ZC3H18: variants seen among roughly 807,000 people sequenced by gnomAD.
The protein encoded by ZC3H18 is zinc finger CCCH-type containing 18, also known as zinc finger CCCH domain-containing protein 18.
In ZC3H18, 8 loss-of-function variants were observed where a neutral mutation model predicts 106.1. The observed-to-expected ratio is 0.08, with a 90% CI of 0.04 to 0.14. The LOEUF is 0.14. Among genes scored for constraint, ZC3H18 ranks in the 10% least tolerant of loss-of-function variants. The pLI, the probability that ZC3H18 is intolerant of heterozygous loss-of-function variation, is 1.00. For synonymous variants in ZC3H18, 635 were observed against 522.1 expected, an observed-to-expected ratio of 1.22 and a Z score of -2.95; for missense variants, 1,318 against 1,278.4, an observed-to-expected ratio of 1.03 and a Z score of -0.47.
chr16:88,592,410 C>T (rs1915806532), intron 3 of ZC3H18, among the ~76,000 whole-genome samples: 1 of 152,116 alleles, frequency 6.6e-6, no homozygotes, highest in South Asian at 2.1e-4. Context: ...CCCTGGGAGT[C>T]CTTGAGACCC....
At chr16:88,599,122 C>G (rs959255358) in intron 5 of ZC3H18, among the ~76,000 whole-genome samples, 4 of 152,240 alleles carry the variant, frequency 2.6e-5, no homozygotes, top group Non-Finnish European at 5.9e-5. Context: ...TGGATCAGCA[C>G]TGGGCCACAC....
chr16:88,631,769 A>C lies in ZC3H18; in HGVS notation c.*470A>C. On this transcript the variant is annotated 3_prime_UTR_variant, in exon 18 of 18. Transcript: ENST00000301011. ...TCACCCGCCCCCGGATCAGAAATAT[A>C]TCTATATTCTCGACTAAAGTCTCAT... 5.8e-6 allele frequency: 2 copies of C among 347,078 alleles called. No individual in the cohort carries two copies. The highest frequency in any genetic ancestry group is 5.7e-6 in the Non-Finnish European group (1 of 176,326). The allele number at this position is 347,078 out of a possible 1,614,324, so 21.5% of individuals were successfully genotyped here. A position where few individuals can be genotyped will look rare whatever the true frequency, so the allele number is the denominator to read the frequency against.
intron 3 of ZC3H18, among the ~76,000 whole-genome samples, chr16:88,588,548 C>T (rs1460626984): frequency 7.5e-6 from 1 of 132,800 alleles, no homozygotes; most frequent in Non-Finnish European, 1.8e-5. Flanking sequence ...AGACAGGATC[C>T]TGTCTCCTTG....
intron 8 of ZC3H18, among the ~76,000 whole-genome samples, chr16:88,611,814 G>A (rs1432311914): frequency 4.6e-5 from 7 of 152,244 alleles, no homozygotes; most frequent in East Asian, 1.9e-4. Flanking sequence ...TACAGTCCAC[G>A]TGCAAACATC....
intron 9 of ZC3H18, chr16:88,622,942 C>A (rs1906057159): frequency 4.2e-6 from 2 of 475,944 alleles, no homozygotes; most frequent in Non-Finnish European, 7.6e-6. Flanking sequence ...TGGGTCTGCC[C>A]ACTCAGGCAG....
At chr16:88,583,961 T>C (rs148005369) in intron 2 of ZC3H18, among the ~76,000 whole-genome samples, 1 of 152,342 alleles carries the variant, frequency 6.6e-6, no homozygotes, top group Non-Finnish European at 1.5e-5. Flanking sequence ...AGACACTTAG[T>C]GTGACAATCT....
Position 88,616,007 on chromosome 16 carries a change from C to T in ZC3H18, c.1475+4471C>T, listed in dbSNP as rs983351262. ...GAGGGCAGATTCCCGACTGCTGTGC[C>T]CGTCTCCTGTGTGCTCAGCCTCCCC... On this transcript the variant is annotated intron_variant, in intron 8 of 17. Transcript: ENST00000301011. Among the ~76,000 whole-genome samples the T allele has an allele frequency of 3.9e-5, 6 of 152,342 alleles. No homozygotes were observed. In the East Asian group the frequency reaches 1.2e-3, roughly 29 times the overall value.
In ZC3H18 at chr16:88,598,605, C is replaced by G; in HGVS notation, c.838-15C>G. 1.2e-6 allele frequency: 2 copies of G among 1,601,444 alleles called. No homozygotes were observed. The highest frequency in any genetic ancestry group is 1.7e-6 in the Non-Finnish European group (2 of 1,172,664). On this transcript the variant is annotated splice_polypyrimidine_tract_variant and intron_variant, in intron 4 of 17. Coordinates refer to ENST00000301011, the MANE Select transcript of ZC3H18 (RefSeq NM_144604.4). ...GTTTTACTTTCTCACCTTCTCCCTT[C>G]TCGTTTTTCAATAGGGTGGGCCGGT...
chr16:88,593,628 G>A (rs1310998920), intron 3 of ZC3H18, among the ~76,000 whole-genome samples: 1 of 152,206 alleles, frequency 6.6e-6, no homozygotes, highest in Non-Finnish European at 1.5e-5. Context: ...GCCTCAAGGG[G>A]CAGCACGTGC....
In ZC3H18 at chr16:88,630,238, C is replaced by T. The variant is rs557993498; in HGVS notation, c.2567-247C>T. 56 of 489,892 alleles carry T rather than the reference C, an allele frequency of 1.1e-4. No homozygotes were observed. In the East Asian group the frequency reaches 1.8e-3, roughly 16 times the overall value. The allele number at this position is 489,892 out of a possible 1,614,324, so 30.3% of individuals were successfully genotyped here. A position where few individuals can be genotyped will look rare whatever the true frequency, so the allele number is the denominator to read the frequency against. On this transcript the variant is annotated intron_variant, in intron 16 of 17. Coordinates refer to ENST00000301011, the MANE Select transcript of ZC3H18 (RefSeq NM_144604.4). ...GCTAGGAAGGAGTTTTGTCTCTCTG[C>T]GTGAGATATTGGCTGCTTGCTGGAA...
At chr16:88,606,111 C>T (rs1419962277) in intron 6 of ZC3H18, among the ~76,000 whole-genome samples, 1 of 152,252 alleles carries the variant, frequency 6.6e-6, no homozygotes, top group African/African-American at 2.4e-5. Context: ...ACCACAGAAC[C>T]CTTTTCTCAA....
rs1469327437 is a variant in ZC3H18, at chr16:88,631,338, G to C, written c.*39G>C. On this transcript the variant is annotated 3_prime_UTR_variant, in exon 18 of 18. Transcript: ENST00000301011. ...CGGACTGGACGCATTTTTATACATAGGGTAAGCGCAGCCATTTTGGATTTT... is the reference window on the plus strand; with the variant it reads ...CGGACTGGACGCATTTTTATACATACGGTAAGCGCAGCCATTTTGGATTTT... 2 of 1,551,856 alleles carry C rather than the reference G, an allele frequency of 1.3e-6. No homozygotes were observed. Among genetic ancestry groups the C allele is most frequent in the Non-Finnish European group, 1.7e-6 (2 of 1,147,158 alleles).
chr16:88,629,628 T>C (rs1002588372), intron 16 of ZC3H18, among the ~76,000 whole-genome samples: 6 of 152,206 alleles, frequency 3.9e-5, no homozygotes, highest in Non-Finnish European at 7.3e-5. Context: ...CCTCCCAGGC[T>C]CCTGCGGACT....
chr16:88,623,834 A>G, intron 10 of ZC3H18, 124 bp from the exon 11 acceptor site: 1 of 1,446,506 alleles, frequency 6.9e-7, no homozygotes, highest in Non-Finnish European at 9.2e-7. Context: ...AACTGAAGTT[A>G]AAACTGAGGC....
intron 2 of ZC3H18, among the ~76,000 whole-genome samples, chr16:88,586,369 C>G (rs1314046110): frequency 6.6e-6 from 1 of 152,212 alleles, no homozygotes; most frequent in Non-Finnish European, 1.5e-5. Context: ...GCCCTGTGTG[C>G]TGCACAGTGC....
chr16:88,587,641 T>A (rs1696053088), intron 3 of ZC3H18: 1 of 1,523,102 alleles, frequency 6.6e-7, no homozygotes, highest in Non-Finnish European at 8.8e-7. Flanking sequence ...TTCACTCTCT[T>A]CAGTACCTTA....
intron 2 of ZC3H18, among the ~76,000 whole-genome samples, chr16:88,579,941 C>T (rs552459907): frequency 1.3e-5 from 2 of 152,250 alleles, no homozygotes; most frequent in Non-Finnish European, 2.9e-5. Flanking sequence ...GGCCTTTAAC[C>T]AAGGTGGGCA....
intron 8 of ZC3H18, among the ~76,000 whole-genome samples, chr16:88,615,138 C>T (rs570526056): frequency 2.1e-5 from 3 of 142,732 alleles, no homozygotes; most frequent in South Asian, 4.6e-4. Context: ...TCTGCCTGGA[C>T]GGGCTGCCCC....
intron 3 of ZC3H18, among the ~76,000 whole-genome samples, chr16:88,591,247 G>T (rs1471754793): frequency 6.6e-6 from 1 of 152,060 alleles, no homozygotes; most frequent in Admixed American, 6.5e-5. Context: ...TGGGATTACA[G>T]GCGTGAGTCA....
Sources: allele counts gnomAD v4.1 joint callset (sites outside exome capture counted in the v4.1 genomes callset), GRCh38; gene constraint gnomAD v4.1.1; transcripts MANE v1.5; gene names NCBI Gene and HGNC (gene_info 2026-07-23, HGNC 2026-07-21).